Variants in VPS13A observed in about 807,000 individuals in gnomAD.
VPS13A encodes vacuolar protein sorting 13 homolog A.
A neutral mutation model predicts 390.9 loss-of-function variants in VPS13A; 264 were observed. That is an observed-to-expected ratio of 0.68 (90% CI 0.61 to 0.75). The LOEUF (loss-of-function observed/expected upper bound fraction) is 0.75, where lower values mean the gene tolerates loss of function less well. VPS13A is among the 30% of genes least tolerant of loss of function. The probability of loss-of-function intolerance (pLI) is 0.00; values close to 1 mark genes in which losing one functional copy is unlikely to be tolerated. For missense variants in VPS13A, 3,409 were observed against 3,733.9 expected (o/e 0.91, Z 2.27); for synonymous variants, 1,231 against 1,227.1 (o/e 1.00, Z -0.07).
intron 5 of VPS13A, among the ~76,000 whole-genome samples, chr9:77,207,900 G>A (rs1233808068): frequency 6.6e-6 from 1 of 152,038 alleles, no homozygotes; most frequent in African/African-American, 2.4e-5. Context: ...CTCATCTTGT[G>A]TTTTGTTTCA....
At chr9:77,410,689 G>A (rs1331293097) in intron 71 of VPS13A, among the ~76,000 whole-genome samples, 1 of 151,676 alleles carries the variant, frequency 6.6e-6, no homozygotes, top group Non-Finnish European at 1.5e-5. Context: ...GATCAAAAGA[G>A]ACAAAGAAGG....
intron 61 of VPS13A, among the ~76,000 whole-genome samples, chr9:77,367,666 G>C (rs1832507139): frequency 1.3e-5 from 2 of 152,214 alleles, no homozygotes; most frequent in African/African-American, 4.8e-5. Flanking sequence ...TGCTGCAGCT[G>C]AACCTGGCCA....
chr9:77,186,996 A>G (rs928641887), intron 1 of VPS13A, among the ~76,000 whole-genome samples: 5 of 152,114 alleles, frequency 3.3e-5, no homozygotes, highest in African/African-American at 7.2e-5. Context: ...GCCATTTGTT[A>G]TTGGTTTCTT....
At chr9:77,273,446 A>G (rs1826468241) in intron 24 of VPS13A, 82 bp downstream of exon 24, 2 of 1,121,596 alleles carry the variant, frequency 1.8e-6, no homozygotes, top group African/African-American at 1.6e-5. Context: ...TCAAAGGACC[A>G]CACAGAGGAA....
chr9:77,255,898 C>T (rs1269472932), intron 22 of VPS13A, among the ~76,000 whole-genome samples: 1 of 151,878 alleles, frequency 6.6e-6, no homozygotes, highest in Non-Finnish European at 1.5e-5. Flanking sequence ...GTTTTTTTCT[C>T]AGTCTAACTA....
Position 77,227,486 on chromosome 9 carries a change from G to T in VPS13A, c.1452+1G>T, listed in dbSNP as rs771026352. The stretch of plus-strand genomic sequence containing the variant: ...AGTTGATCCAACTTTACTAAAAACA[G>T]TAAGATGTTTTCTTGCCTTATACCT... On this transcript the variant is annotated splice_donor_variant, in intron 16 of 71. Coordinates refer to ENST00000360280, the MANE Select transcript of VPS13A (RefSeq NM_033305.3). LOFTEE classifies it high-confidence loss of function. 6.3e-7 allele frequency: 1 copy of T among 1,597,378 alleles called. No homozygotes were observed. Among genetic ancestry groups the T allele is most frequent in the Non-Finnish European group, 8.6e-7 (1 of 1,165,330 alleles).
chr9:77,184,862 A>G (rs146328027), intron 1 of VPS13A, among the ~76,000 whole-genome samples: 1 of 152,244 alleles, frequency 6.6e-6, no homozygotes, highest in African/African-American at 2.4e-5. Context: ...AAAGTCCACA[A>G]CAGGGAGGGC....
At chr9:77,381,953 A>G in intron 67 of VPS13A, 23 bp from the exon 68 acceptor site, 1 of 1,484,820 alleles carries the variant, frequency 6.7e-7, no homozygotes. Flanking sequence ...TTTTAAAATA[A>G]AGTTATATTT....
chr9:77,397,136 C>A (rs941536206), intron 68 of VPS13A, among the ~76,000 whole-genome samples: 1 of 152,016 alleles, frequency 6.6e-6, no homozygotes, highest in South Asian at 2.1e-4. Flanking sequence ...ATTACAGGCT[C>A]CTGCCACCAC....
At chr9:77,314,157 T>C in intron 36 of VPS13A, 38 bp downstream of exon 36, 1 of 1,609,790 alleles carries the variant, frequency 6.2e-7, no homozygotes, top group African/African-American at 1.3e-5. Context: ...TTTTCACATG[T>C]GAAATTTGCA....
rs1262767088 is a variant in VPS13A, at chr9:77,213,262, A to G, written c.644A>G (p.Tyr215Cys). The change falls in exon 9 of 72, where the codon TAT (tyrosine) becomes TGT (cysteine). Residue 215 changes from tyrosine to cysteine, a missense_variant. Coordinates refer to ENST00000360280, the MANE Select transcript of VPS13A (RefSeq NM_033305.3). The part of the protein sequence containing the change: ...KLIRLDNLFA[Y>C]WNVKSQMFYL... ...ATCCGATTGGATAACCTGTTTGCCTATTGGAATGTGAAGTCTCAGATGTTT... is the reference window on the plus strand; with the variant it reads ...ATCCGATTGGATAACCTGTTTGCCTGTTGGAATGTGAAGTCTCAGATGTTT... The G allele has an allele frequency of 3.7e-6, 6 of 1,613,616 alleles. No individual in the cohort carries two copies. The highest frequency in any genetic ancestry group is 4.5e-5 in the East Asian group (2 of 44,806).
chr9:77,363,612 A>G (rs1340825095), intron 59 of VPS13A, among the ~76,000 whole-genome samples: 1 of 142,550 alleles, frequency 7.0e-6, no homozygotes, highest in Non-Finnish European at 1.5e-5. Flanking sequence ...GGGTTTCACC[A>G]TGTTTCTGTG....
Position 77,275,804 on chromosome 9 carries a change from C to CG in VPS13A, c.2667+152_2667+153insG, listed in dbSNP as rs1826629858. 4 of 837,062 alleles carry CG rather than the reference C, an allele frequency of 4.8e-6. No homozygotes were observed. In the South Asian group the frequency reaches 7.5e-5, roughly 16 times the overall value. 51.9% of individuals were successfully genotyped at this position (837,062 alleles called of 1,614,324 possible). On this transcript the variant is annotated intron_variant, in intron 25 of 71. Transcript: ENST00000360280. ...CTGTGTGATTCTTGGTCACTCCCCGCCCCCCCCTTTTTTTTTTAAATAAGA... is the reference window on the plus strand; with the variant it reads ...CTGTGTGATTCTTGGTCACTCCCCGCGCCCCCCCTTTTTTTTTTAAATAAGA...
At chr9:77,352,036 A>G (rs189894211) in intron 53 of VPS13A, among the ~76,000 whole-genome samples, 1 of 152,288 alleles carries the variant, frequency 6.6e-6, no homozygotes, top group East Asian at 1.9e-4. Flanking sequence ...TGTTTACATC[A>G]TTTGCTTCTA....
intron 68 of VPS13A, 79 bp from the exon 69 acceptor site, chr9:77,403,155 TTA>T: frequency 1.0e-6 from 1 of 964,522 alleles, no homozygotes; most frequent in East Asian, 2.5e-5. Flanking sequence ...GAAATGGTTT[TTA>T]GAGGACTATA....
chr9:77,249,955 A>G (rs572099371), intron 20 of VPS13A, 142 bp from the exon 21 acceptor site: 62 of 828,036 alleles, frequency 7.5e-5, no homozygotes, highest in African/African-American at 7.4e-4. Flanking sequence ...ATCGATGAGG[A>G]CCTTTCTAAT....
intron 71 of VPS13A, among the ~76,000 whole-genome samples, chr9:77,414,410 T>TA (rs1385208644): frequency 1.3e-5 from 2 of 152,040 alleles, no homozygotes; most frequent in East Asian, 1.9e-4. Flanking sequence ...TATACAGCCA[T>TA]AAAAAATAAT....
At position 77,387,276 on chromosome 9, in the gene VPS13A, A is replaced by T. The variant is rs111799759; in HGVS notation, c.9189+5189A>T. On this transcript the variant is annotated intron_variant, in intron 68 of 71. Transcript: ENST00000360280. ...TTATATTTGGATTTTAATAAGATGA[A>T]CTCTTGTTTATCAATGGTTCTATAA... 3.2e-3 allele frequency among the ~76,000 whole-genome samples: 491 copies of T among 152,302 alleles called. 1 individual carries two copies. Among genetic ancestry groups the T allele is most frequent in the African/African-American group, 0.01 (430 of 41,562 alleles).
chr9:77,398,641 G>A (rs1161199240), intron 68 of VPS13A, among the ~76,000 whole-genome samples: 1 of 152,216 alleles, frequency 6.6e-6, no homozygotes, highest in Non-Finnish European at 1.5e-5. Flanking sequence ...TTTTTACAGC[G>A]TGACGTTCTC....
Sources: allele counts gnomAD v4.1 joint callset (sites outside exome capture counted in the v4.1 genomes callset), GRCh38; gene constraint gnomAD v4.1.1; transcripts MANE v1.5; gene names NCBI Gene and HGNC (gene_info 2026-07-23, HGNC 2026-07-21).